Variants in MED12L observed in about 807,000 individuals in gnomAD.
MED12L encodes the protein mediator of RNA polymerase II transcription subunit 12-like protein.
A neutral mutation model predicts 281.3 loss-of-function variants in MED12L; 60 were observed. The ratio of observed to expected loss-of-function variants is 0.21; its 90% confidence interval spans 0.17 to 0.26. The LOEUF (loss-of-function observed/expected upper bound fraction) is 0.26, where lower values mean the gene tolerates loss of function less well. MED12L is among the 10% of genes least tolerant of loss of function. MED12L has a pLI of 1.00. For synonymous variants in MED12L, 974 were observed against 987.2 expected, an observed-to-expected ratio of 0.99 and a Z score of 0.25; for missense variants, 2,146 against 2,680.9, an observed-to-expected ratio of 0.80 and a Z score of 4.41.
At chr3:151,183,276 T>A (rs1722914767) in intron 11 of MED12L, among the ~76,000 whole-genome samples, 1 of 152,228 alleles carries the variant, frequency 6.6e-6, no homozygotes, top group South Asian at 2.1e-4. Context: ...ATTGTCCCTG[T>A]GGATGTGCAG....
intron 16 of MED12L, among the ~76,000 whole-genome samples, chr3:151,348,797 G>A (rs1012446408): frequency 3.3e-5 from 5 of 152,174 alleles, no homozygotes; most frequent in African/African-American, 4.8e-5. Context: ...AAAAACAGGC[G>A]CTTAGTTTAA....
At chr3:151,432,634 C>T (rs3732771) in intron 44 of MED12L, 118 bp from the exon 45 acceptor site, 85,443 of 732,742 alleles carry the variant, frequency 0.12, 7,230 homozygotes, top group East Asian at 0.39. Flanking sequence ...TAGTACTCTC[C>T]GGCCATTCTG....
Position 151,411,407 on chromosome 3 carries a change from C to G in MED12L, c.6040C>G (p.Pro2014Ala). The part of the protein sequence containing the change: ...SRAYPAAHSN[P>A]VLMERLRQIQ... ...AGCCTATCCGGCCGCACATTCCAAC[C>G]CCGTGCTAATGGAAAGACTCAGACA... is the stretch of plus-strand genomic sequence containing the variant. The change falls in exon 41 of 45, where the codon CCC (proline) becomes GCC (alanine). Residue 2014 changes from proline (P) to alanine (A), a missense_variant. Physicochemically the swap from Pro to Ala is conservative, Grantham distance 27. Transcript: ENST00000687756. 4 of 1,614,162 alleles carry G rather than the reference C, an allele frequency of 2.5e-6. No individual in the cohort carries two copies. Among genetic ancestry groups the G allele is most frequent in the Non-Finnish European group, 3.4e-6 (4 of 1,180,042 alleles).
intron 26 of MED12L, 139 bp downstream of exon 26, chr3:151,369,688 G>C: frequency 1.8e-6 from 1 of 547,310 alleles, no homozygotes; most frequent in Non-Finnish European, 3.2e-6. Context: ...AAAATTAGTG[G>C]TTTCTCCTAG....
intron 8 of MED12L, among the ~76,000 whole-genome samples, chr3:151,160,886 T>A (rs1719893472): frequency 6.6e-6 from 1 of 152,202 alleles, no homozygotes; most frequent in Non-Finnish European, 1.5e-5. Flanking sequence ...ATTTTTTAGT[T>A]CTTCGAATGA....
At chr3:151,105,848 G>A (rs183275204) in intron 2 of MED12L, among the ~76,000 whole-genome samples, 15 of 152,182 alleles carry the variant, frequency 9.9e-5, no homozygotes, top group Admixed American at 2.0e-4. Flanking sequence ...AACTTACGAC[G>A]TTTATACCTG....
At chr3:151,369,673 C>T (rs549340384) in intron 26 of MED12L, 124 bp downstream of exon 26, 90 of 600,818 alleles carry the variant, frequency 1.5e-4, no homozygotes, top group Non-Finnish European at 2.0e-4. Context: ...GCTTATTCTC[C>T]TGGAAAAATT....
chr3:151,365,057 C>T lies in MED12L; in HGVS notation c.3036C>T (p.Asp1012=), dbSNP rs1483994910. The T allele has an allele frequency of 1.2e-6, 2 of 1,614,094 alleles. No homozygotes were observed. Among genetic ancestry groups the T allele is most frequent in the Non-Finnish European group, 1.7e-6 (2 of 1,179,954 alleles). Residue 1012 remains aspartate (D), a synonymous_variant, in exon 22 of 45, where the codon GAC becomes GAT. Transcript: ENST00000687756. ...PANSNLRWDP[D]FMMDFIENPS... Reference sequence around the variant, plus strand: ...ATTCGAACTTGCGATGGGATCCAGACTTCATGATGGATTTTATTGAGAATC... The same window carrying T: ...ATTCGAACTTGCGATGGGATCCAGATTTCATGATGGATTTTATTGAGAATC...
chr3:151,388,204 C>T (rs9289837), intron 37 of MED12L, 32 bp downstream of exon 37: 224,633 of 1,556,158 alleles, frequency 0.14, 18,211 homozygotes, highest in Non-Finnish European at 0.17. Context: ...AACCTTGGCT[C>T]ATTAGCATTT....
chr3:151,266,659 T>A (rs989397079), intron 16 of MED12L, among the ~76,000 whole-genome samples: 2 of 152,160 alleles, frequency 1.3e-5, no homozygotes, highest in African/African-American at 2.4e-5. Context: ...GATGAGCAAG[T>A]GATATGAACA....
chr3:151,422,242 G>A (rs1718330831), intron 43 of MED12L, among the ~76,000 whole-genome samples: 1 of 152,170 alleles, frequency 6.6e-6, no homozygotes, highest in African/African-American at 2.4e-5. Flanking sequence ...AAGAGCTGGA[G>A]GCATTGTATT....
intron 5 of MED12L, among the ~76,000 whole-genome samples, chr3:151,142,271 A>G (rs1262705246): frequency 6.6e-6 from 1 of 152,188 alleles, no homozygotes; most frequent in Admixed American, 6.5e-5. Context: ...CATCAAATGA[A>G]GATCAACTGT....
intron 26 of MED12L, among the ~76,000 whole-genome samples, chr3:151,369,981 T>C (rs1383911663): frequency 6.6e-6 from 1 of 152,176 alleles, no homozygotes; most frequent in East Asian, 1.9e-4. Flanking sequence ...GTATTTTTGC[T>C]CCTATCATGA....
At chr3:151,387,771 G>C in intron 36 of MED12L, 39 bp from the exon 37 acceptor site, 1 of 1,559,788 alleles carries the variant, frequency 6.4e-7, no homozygotes, top group Non-Finnish European at 8.7e-7. Context: ...ATAAGGAAAA[G>C]ATCTGAGTGT....
rs112452324 is a variant in MED12L at position 151,152,152 on chromosome 3, T to A, written c.557-4009T>A. Reference sequence around the variant, plus strand: ...TCTCACTCGGTTGCCCAGGCTGGAGTGCAGTAGAGCAATCTGGGCTCACTG... The same window carrying A: ...TCTCACTCGGTTGCCCAGGCTGGAGAGCAGTAGAGCAATCTGGGCTCACTG... On this transcript the variant is annotated intron_variant, in intron 5 of 44. Transcript: ENST00000687756. Among the ~76,000 whole-genome samples, 500 of 130,270 alleles carry A rather than the reference T, an allele frequency of 3.8e-3. 4 individuals carry two copies. The highest frequency in any genetic ancestry group is 0.014 in the African/African-American group (488 of 34,974). 85.5% of individuals were successfully genotyped at this position (130,270 alleles called of 152,430 possible).
rs761576264 is a variant in MED12L at position 151,193,537 on chromosome 3, G to A, written c.2121G>A (p.Ser707=). The A allele has an allele frequency of 2.2e-5, 35 of 1,613,910 alleles. No homozygotes were observed. Among genetic ancestry groups the A allele is most frequent in the Middle Eastern group, 3.3e-4 (2 of 6,058 alleles). Residue 707 remains serine (S), a synonymous_variant, in exon 16 of 45, where the codon TCG becomes TCA. Transcript: ENST00000687756. ...PGESCENANT[S]LGRRMSVNCE... ...AATCCTGTGAGAATGCCAACACTTC[G>A]TTGGGCAGAAGAATGTCAGTTAATT...
chr3:151,302,237 G>T (rs563186881), intron 16 of MED12L, among the ~76,000 whole-genome samples: 10 of 152,294 alleles, frequency 6.6e-5, no homozygotes, highest in African/African-American at 2.2e-4. Flanking sequence ...GGAGTGGAGG[G>T]CATTAAAGAT....
intron 16 of MED12L, among the ~76,000 whole-genome samples, chr3:151,343,039 T>C (rs1366772047): frequency 6.6e-6 from 1 of 152,140 alleles, no homozygotes; most frequent in African/African-American, 2.4e-5. Flanking sequence ...TGTGTATTTC[T>C]GTACCTGAGA....
At chr3:151,313,798 C>A (rs911279681) in intron 16 of MED12L, among the ~76,000 whole-genome samples, 1 of 152,096 alleles carries the variant, frequency 6.6e-6, no homozygotes, top group Admixed American at 6.5e-5. Context: ...GTGGTGGGCG[C>A]CTATAATCCC....
Sources: gnomAD v4.1 joint callset for allele counts (sites outside exome capture counted in the v4.1 genomes callset) on GRCh38, gnomAD v4.1.1 for gene constraint, MANE v1.5 for transcripts, NCBI Gene and HGNC (gene_info 2026-07-23, HGNC 2026-07-21) for gene names.